MKLN1: variants seen among roughly 807,000 people sequenced by gnomAD.
The protein encoded by MKLN1 is muskelin 1.
MKLN1 carries 18 observed loss-of-function variants against 99.0 expected under a neutral mutation model. The observed-to-expected ratio is 0.18, with a 90% CI of 0.13 to 0.27. MKLN1 has a LOEUF of 0.27. Ranked by LOEUF, MKLN1 falls within the 10% of genes least tolerant of loss-of-function variation. The probability of loss-of-function intolerance (pLI) is 1.00; values close to 1 mark genes in which losing one functional copy is unlikely to be tolerated. For synonymous variants in MKLN1, 288 were observed against 293.2 expected (o/e 0.98, Z 0.18); for missense variants, 621 against 875.9 (o/e 0.71, Z 3.67).
chr7:131,387,851 A>G (rs893689409), intron 3 of MKLN1, among the ~76,000 whole-genome samples: 1 of 152,206 alleles, frequency 6.6e-6, no homozygotes, highest in Non-Finnish European at 1.5e-5. Context: ...TGGAATGGAC[A>G]AATGAAACCA....
chr7:131,291,312 G>A (rs1346618432), intron 3 of MKLN1, among the ~76,000 whole-genome samples: 1 of 150,892 alleles, frequency 6.6e-6, no homozygotes, highest in East Asian at 1.9e-4. Context: ...TGTATTTTTA[G>A]TAGAGATGGG....
intron 5 of MKLN1, 57 bp from the exon 6 acceptor site, chr7:131,399,184 C>T: frequency 7.1e-7 from 1 of 1,414,802 alleles, no homozygotes; most frequent in Non-Finnish European, 9.9e-7. Flanking sequence ...GTTATTGTTT[C>T]CTACAGTATC....
At chr7:131,239,749 G>A (rs1189519822) in intron 3 of MKLN1, among the ~76,000 whole-genome samples, 1 of 152,298 alleles carries the variant, frequency 6.6e-6, no homozygotes, top group East Asian at 1.9e-4. Context: ...CAGCACTTTG[G>A]GAGGCTGAAA....
At chr7:131,196,833 GA>G (rs72433929) in intron 2 of MKLN1, among the ~76,000 whole-genome samples, 7,266 of 150,676 alleles carry the variant, frequency 0.048, 575 homozygotes, top group African/African-American at 0.17. Flanking sequence ...TGTAAATCAG[GA>G]AAAAAAAATC....
chr7:131,128,683 T>G (rs1286363718), intron 1 of MKLN1, among the ~76,000 whole-genome samples: 1 of 152,162 alleles, frequency 6.6e-6, no homozygotes, highest in African/African-American at 2.4e-5. Flanking sequence ...AGTTGCACAT[T>G]CATAGCTCGC....
At chr7:131,153,668 T>TG (rs1563233042) in intron 2 of MKLN1, among the ~76,000 whole-genome samples, 2 of 147,508 alleles carry the variant, frequency 1.4e-5, no homozygotes, top group African/African-American at 4.9e-5. Flanking sequence ...TTTTTGGTTT[T>TG]TTTTTTTTTT....
At chr7:131,285,957 C>CCTTTTTTTTTTTT (rs397950661) in intron 3 of MKLN1, among the ~76,000 whole-genome samples, 1 of 117,770 alleles carries the variant, frequency 8.5e-6, no homozygotes, top group African/African-American at 3.1e-5. Context: ...CATCTATGGA[C>CCTTTTTTTTTTTT]TTTTTTTTTT....
At chr7:131,302,186 T>C (rs1563284718) in intron 3 of MKLN1, among the ~76,000 whole-genome samples, 1 of 152,216 alleles carries the variant, frequency 6.6e-6, no homozygotes. Flanking sequence ...GAATGCTCCA[T>C]GTATATTAAT....
intron 3 of MKLN1, among the ~76,000 whole-genome samples, chr7:131,218,715 C>A (rs1393354010): frequency 6.6e-6 from 1 of 152,162 alleles, no homozygotes; most frequent in Admixed American, 6.5e-5. Context: ...ACCTTGGGAA[C>A]ATGATGCCGA....
At chr7:131,443,372 C>T in intron 10 of MKLN1, 109 bp from the exon 11 acceptor site, 1 of 752,386 alleles carries the variant, frequency 1.3e-6, no homozygotes, top group South Asian at 1.7e-5. Flanking sequence ...TCATTAGGGA[C>T]AAAGTTTAGG....
rs1254601776 is a variant in MKLN1, at chr7:131,493,307, A to C, written c.*5579A>C. ...TAAGGCATTTTGACTTGGAAGTATTAAACTTCAGGAACGAGCTAGAGAAGA... is the reference window on the plus strand; with the variant it reads ...TAAGGCATTTTGACTTGGAAGTATTCAACTTCAGGAACGAGCTAGAGAAGA... On this transcript the variant is annotated 3_prime_UTR_variant, in exon 18 of 18. Coordinates refer to ENST00000352689, the MANE Select transcript of MKLN1 (RefSeq NM_013255.5). 6.6e-6 allele frequency: 1 copy of C among 152,218 alleles called. No individual in the cohort carries two copies. The highest frequency in any genetic ancestry group is 1.5e-5 in the Non-Finnish European group (1 of 68,038). 9.4% of individuals were successfully genotyped at this position (152,218 alleles called of 1,614,324 possible).
intron 3 of MKLN1, among the ~76,000 whole-genome samples, chr7:131,205,973 A>C (rs1796804608): frequency 6.7e-6 from 1 of 150,354 alleles, no homozygotes; most frequent in Non-Finnish European, 1.5e-5. Context: ...TGCTCACTGC[A>C]ACCTCTGCCT....
intron 17 of MKLN1, among the ~76,000 whole-genome samples, chr7:131,482,302 C>T (rs1797146609): frequency 1.3e-5 from 2 of 152,136 alleles, no homozygotes; most frequent in South Asian, 4.1e-4. Context: ...TCAAGCAATC[C>T]TTCTGCCTCA....
intron 3 of MKLN1, among the ~76,000 whole-genome samples, chr7:131,262,426 G>A (rs1174352138): frequency 6.6e-6 from 1 of 151,982 alleles, no homozygotes; most frequent in Non-Finnish European, 1.5e-5. Context: ...GACAGAGCGA[G>A]ACTCCGTCTC....
intron 17 of MKLN1, among the ~76,000 whole-genome samples, chr7:131,486,274 A>G (rs1400388742): frequency 2.0e-5 from 3 of 151,212 alleles, no homozygotes; most frequent in South Asian, 2.1e-4. Context: ...AAAAAAAAGC[A>G]TAAAATAGGA....
At chr7:131,478,728 G>C (rs1435060407) in intron 17 of MKLN1, 51 bp downstream of exon 17, 1 of 1,601,096 alleles carries the variant, frequency 6.2e-7, no homozygotes, top group Admixed American at 1.7e-5. Flanking sequence ...CATTTGGAAG[G>C]TTGGATTTTG....
intron 3 of MKLN1, among the ~76,000 whole-genome samples, chr7:131,300,112 G>T (rs1798353833): frequency 6.6e-6 from 1 of 152,132 alleles, no homozygotes; most frequent in Admixed American, 6.5e-5. Flanking sequence ...GAGTGGGAAA[G>T]ATGATGAAGC....
At chr7:131,146,844 A>G (rs553070447) in intron 2 of MKLN1, among the ~76,000 whole-genome samples, 47 of 152,308 alleles carry the variant, frequency 3.1e-4, no homozygotes, top group Non-Finnish European at 5.4e-4. Context: ...GGTATGTCCA[A>G]TGTGTGAAGG....
intron 2 of MKLN1, among the ~76,000 whole-genome samples, chr7:131,190,364 T>C (rs1201174734): frequency 6.6e-6 from 1 of 151,654 alleles, no homozygotes; most frequent in Non-Finnish European, 1.5e-5. Context: ...CTTGATGTCT[T>C]AGAGAAGCAG....
Sources: gnomAD v4.1 joint callset for allele counts (sites outside exome capture counted in the v4.1 genomes callset) on GRCh38, gnomAD v4.1.1 for gene constraint, MANE v1.5 for transcripts, NCBI Gene and HGNC (gene_info 2026-07-23, HGNC 2026-07-21) for gene names.